Variants in LHCGR observed in about 807,000 individuals in gnomAD.
LHCGR encodes the protein luteinizing hormone/choriogonadotropin receptor.
LHCGR carries 55 observed loss-of-function variants against 60.7 expected under a neutral mutation model. That is an observed-to-expected ratio of 0.91 (90% CI 0.73 to 1.13). The LOEUF is 1.13. Ranked by LOEUF, LHCGR falls within the 50% of genes most tolerant of loss-of-function variation. The probability of loss-of-function intolerance (pLI) is 0.00; values close to 1 mark genes in which losing one functional copy is unlikely to be tolerated. For missense variants in LHCGR, 862 were observed against 836.0 expected, an observed-to-expected ratio of 1.03 and a Z score of -0.38; for synonymous variants, 337 against 316.5, an observed-to-expected ratio of 1.06 and a Z score of -0.69.
chr2:48,693,261 G>A (rs747807112), intron 10 of LHCGR, among the ~76,000 whole-genome samples: 10 of 152,234 alleles, frequency 6.6e-5, no homozygotes, highest in African/African-American at 1.2e-4. Flanking sequence ...TGGTGTTGTC[G>A]CATTGCTTAG....
In LHCGR at chr2:48,754,892, G is replaced by A. The variant is rs1424872504; in HGVS notation, c.161+619C>T. ...CCTCAATCAGGCCTGTGAGTGTGGA[G>A]GTGGTGCGCGGGTGCCAGCGGCAGG... On this transcript the variant is annotated intron_variant, in intron 1 of 10. Coordinates refer to ENST00000294954, the MANE Select transcript of LHCGR (RefSeq NM_000233.4). Among the ~76,000 whole-genome samples, 3 of 152,240 alleles carry A rather than the reference G, an allele frequency of 2.0e-5. No homozygotes were observed. The South Asian group carries it at 6.2e-4, about 32-fold the overall frequency.
intron 6 of LHCGR, among the ~76,000 whole-genome samples, chr2:48,722,912 C>A (rs1008984994): frequency 3.3e-5 from 5 of 152,028 alleles, no homozygotes; most frequent in Non-Finnish European, 7.4e-5. Context: ...TGACGAGTAA[C>A]TGTCAAATAA....
In LHCGR at chr2:48,755,712, A is replaced by T. The variant is rs1039578740; in HGVS notation, c.-41T>A. 3.9e-6 allele frequency: 6 copies of T among 1,532,902 alleles called. No homozygotes were observed. The African/African-American group carries it at 8.2e-5, about 21-fold the overall frequency. 95.0% of individuals were successfully genotyped at this position (1,532,902 alleles called of 1,614,324 possible). On this transcript the variant is annotated 5_prime_UTR_variant, in exon 1 of 11. Coordinates refer to ENST00000294954, the MANE Select transcript of LHCGR (RefSeq NM_000233.4). Reference sequence around the variant, plus strand: ...CTTCTGCGGCTTGCCAGTGTCTTGGACGGCCTCTGAGTGCGGCCCGCACCC... The same window carrying T: ...CTTCTGCGGCTTGCCAGTGTCTTGGTCGGCCTCTGAGTGCGGCCCGCACCC...
chr2:48,732,479 A>G (rs1669040732), intron 1 of LHCGR, among the ~76,000 whole-genome samples: 1 of 152,222 alleles, frequency 6.6e-6, no homozygotes, highest in South Asian at 2.1e-4. Flanking sequence ...AGTTATACAC[A>G]CCCATTTGTG....
chr2:48,686,838 T>C lies in LHCGR; in HGVS notation c.*859A>G, dbSNP rs1679917131. On this transcript the variant is annotated 3_prime_UTR_variant, in exon 11 of 11. Transcript: ENST00000294954. ...AAAATATAAGCTCTAGAAAAAATTG[T>C]TTTCATTATATGTTTCATAACTTCA... is the stretch of plus-strand genomic sequence containing the variant. 6.6e-6 allele frequency: 1 copy of C among 152,172 alleles called. No individual in the cohort carries two copies. The highest frequency in any genetic ancestry group is 1.5e-5 in the Non-Finnish European group (1 of 68,016). 9.4% of individuals were successfully genotyped at this position (152,172 alleles called of 1,614,324 possible).
Position 48,731,333 on chromosome 2 carries a change from A to G in LHCGR, c.162-35T>C, listed in dbSNP as rs1457631597. 2.7e-6 allele frequency: 4 copies of G among 1,472,094 alleles called. No individual in the cohort carries two copies. In the Admixed American group the frequency reaches 5.0e-5, roughly 18 times the overall value. The allele number at this position is 1,472,094 out of a possible 1,614,324, so 91.2% of individuals were successfully genotyped here. The stretch of plus-strand genomic sequence containing the variant: ...AAAAAAGGAAATCCAAGAGTTTAAG[A>G]TTTATGATAGGGTGCCTTTTAAGTT... On this transcript the variant is annotated intron_variant, in intron 1 of 10. Transcript: ENST00000294954.
intron 10 of LHCGR, among the ~76,000 whole-genome samples, chr2:48,690,585 C>T (rs1431213563): frequency 6.6e-6 from 1 of 152,172 alleles, no homozygotes; most frequent in African/African-American, 2.4e-5. Flanking sequence ...ACTCGTAGTT[C>T]TCTGAATAAG....
intron 9 of LHCGR, among the ~76,000 whole-genome samples, 184 bp from the exon 10 acceptor site, chr2:48,694,488 G>C (rs547412185): frequency 3.6e-4 from 55 of 152,278 alleles, no homozygotes; most frequent in African/African-American, 1.2e-3. Context: ...ATTGTCATTA[G>C]AGTGCTTCCA....
At chr2:48,703,053 G>T (rs1667490328) in intron 8 of LHCGR, among the ~76,000 whole-genome samples, 1 of 152,178 alleles carries the variant, frequency 6.6e-6, no homozygotes, top group Admixed American at 6.5e-5. Flanking sequence ...CAGGTCTGTT[G>T]GCTGAACAAA....
chr2:48,720,000 A>T (rs1365742037), intron 6 of LHCGR: 2 of 152,152 alleles, frequency 1.3e-5, no homozygotes, highest in East Asian at 3.9e-4. Flanking sequence ...CCCCTTCCAG[A>T]TGAAGGGCCA....
intron 3 of LHCGR, among the ~76,000 whole-genome samples, chr2:48,727,243 C>T (rs1025162761): frequency 6.6e-6 from 1 of 151,016 alleles, no homozygotes; most frequent in Non-Finnish European, 1.5e-5. Flanking sequence ...CTGGGCAACA[C>T]AGTGAGACCC....
At chr2:48,698,525 A>G in intron 9 of LHCGR, 90 bp downstream of exon 9, 1 of 1,011,164 alleles carries the variant, frequency 9.9e-7, no homozygotes, top group Non-Finnish European at 1.6e-6. Context: ...TAGGGAGTGA[A>G]GGGGAGTGGA....
At chr2:48,726,820 C>T (rs924612862) in intron 3 of LHCGR, among the ~76,000 whole-genome samples, 2 of 152,150 alleles carry the variant, frequency 1.3e-5, no homozygotes, top group Non-Finnish European at 2.9e-5. Context: ...GTCTGGTTCA[C>T]AGTAAGGCCT....
chr2:48,715,955 A>G (rs1346633459), intron 6 of LHCGR, among the ~76,000 whole-genome samples: 1 of 152,152 alleles, frequency 6.6e-6, no homozygotes, highest in Non-Finnish European at 1.5e-5. Context: ...TGAGTAAAGC[A>G]GCAGCTTTGC....
At chr2:48,701,216 C>T (rs781430515) in intron 8 of LHCGR, among the ~76,000 whole-genome samples, 10 of 152,042 alleles carry the variant, frequency 6.6e-5, no homozygotes, top group Non-Finnish European at 1.2e-4. Flanking sequence ...TTGATCTTGG[C>T]GGGATCTACA....
chr2:48,702,617 A>G (rs1413118270), intron 8 of LHCGR, among the ~76,000 whole-genome samples: 2 of 152,032 alleles, frequency 1.3e-5, no homozygotes, highest in Non-Finnish European at 2.9e-5. Context: ...GCTGCATAGT[A>G]TTTCATGGTG....
At chr2:48,701,905 T>C (rs1207902044) in intron 8 of LHCGR, among the ~76,000 whole-genome samples, 2 of 152,226 alleles carry the variant, frequency 1.3e-5, no homozygotes, top group Non-Finnish European at 2.9e-5. Context: ...CATGCCTGTT[T>C]ATTGCTTTGC....
intron 2 of LHCGR, among the ~76,000 whole-genome samples, chr2:48,730,023 C>T (rs1668920461): frequency 6.6e-6 from 1 of 152,050 alleles, no homozygotes. Flanking sequence ...CCAATGTTAC[C>T]CTAAAATCCC....
intron 7 of LHCGR, among the ~76,000 whole-genome samples, chr2:48,710,470 CA>C (rs1197392159): frequency 1.3e-5 from 2 of 152,142 alleles, no homozygotes; most frequent in African/African-American, 4.8e-5. Context: ...TATTAAAACT[CA>C]GATCTTTCTG....
Sources: gnomAD v4.1 joint callset for allele counts (sites outside exome capture counted in the v4.1 genomes callset) on GRCh38, gnomAD v4.1.1 for gene constraint, MANE v1.5 for transcripts, NCBI Gene and HGNC (gene_info 2026-07-23, HGNC 2026-07-21) for gene names.